SMCHD1: variants seen among roughly 807,000 people sequenced by gnomAD.
The protein encoded by SMCHD1 is structural maintenance of chromosomes flexible hinge domain-containing protein 1.
Under a neutral mutation model 254.7 loss-of-function variants are expected in SMCHD1, and 78 were observed. That is an observed-to-expected ratio of 0.31 (90% CI 0.26 to 0.37). The LOEUF (loss-of-function observed/expected upper bound fraction) is 0.37. Ranked by LOEUF, SMCHD1 falls within the 10% of genes least tolerant of loss-of-function variation. The pLI, the probability that SMCHD1 is intolerant of heterozygous loss-of-function variation, is 1.00. For missense variants in SMCHD1, 1,840 were observed against 2,408.1 expected (o/e 0.76, Z 4.94); for synonymous variants, 766 against 794.9 (o/e 0.96, Z 0.61).
chr18:2,739,350 T>C lies in SMCHD1; in HGVS notation c.3426-82T>C, dbSNP rs778259888. The stretch of plus-strand genomic sequence containing the variant: ...TTTGAGTTATTGGATATGAACATTA[T>C]ATATGTGTTATTCTGTAGCATGTTG... On this transcript the variant is annotated intron_variant, in intron 26 of 47. Coordinates refer to ENST00000320876, the MANE Select transcript of SMCHD1 (RefSeq NM_015295.3). 76 of 922,948 alleles carry C rather than the reference T, an allele frequency of 8.2e-5. No individual in the cohort carries two copies. In the African/African-American group the frequency reaches 1.1e-3, roughly 13 times the overall value. The allele number at this position is 922,948 out of a possible 1,614,324, so 57.2% of individuals were successfully genotyped here. A position where few individuals can be genotyped will look rare whatever the true frequency, so the allele number is the denominator to read the frequency against.
intron 7 of SMCHD1, among the ~76,000 whole-genome samples, chr18:2,693,154 A>C (rs145956408): frequency 7.9e-5 from 12 of 152,348 alleles, no homozygotes; most frequent in African/African-American, 2.9e-4. Flanking sequence ...TAAGCAAGTA[A>C]TCATACATAC....
At chr18:2,712,090 C>A (rs1348451218) in intron 17 of SMCHD1, among the ~76,000 whole-genome samples, 1 of 152,162 alleles carries the variant, frequency 6.6e-6, no homozygotes, top group Non-Finnish European at 1.5e-5. Flanking sequence ...AATTATTCAG[C>A]CTCAGGTATT....
chr18:2,754,677 G>A (rs995627720), intron 34 of SMCHD1, among the ~76,000 whole-genome samples: 5 of 152,146 alleles, frequency 3.3e-5, no homozygotes, highest in African/African-American at 1.2e-4. Context: ...GGCAATGTGA[G>A]CCACTCATAT....
In SMCHD1 at chr18:2,784,844, G is replaced by A. The variant is rs891536124; in HGVS notation, c.5719+223G>A. 5.5e-6 allele frequency: 3 copies of A among 546,540 alleles called. No homozygotes were observed. The African/African-American group carries it at 5.7e-5, about 10-fold the overall frequency. 33.9% of individuals were successfully genotyped at this position (546,540 alleles called of 1,614,324 possible). The stretch of plus-strand genomic sequence containing the variant: ...CTTTGTATTTTCATTCTTATATGTA[G>A]TGCATGCCTGTGTTCCCAGCTACTC... On this transcript the variant is annotated intron_variant, in intron 45 of 47. Transcript: ENST00000320876.
intron 36 of SMCHD1, among the ~76,000 whole-genome samples, chr18:2,762,763 C>T (rs2075808590): frequency 6.6e-6 from 1 of 152,184 alleles, no homozygotes; most frequent in South Asian, 2.1e-4. Context: ...GCTGGGATTA[C>T]AGCTGTGAAC....
intron 40 of SMCHD1, 33 bp downstream of exon 40, chr18:2,771,651 T>C: frequency 7.0e-7 from 1 of 1,425,202 alleles, no homozygotes; most frequent in Non-Finnish European, 9.4e-7. Context: ...AAAGATTTTT[T>C]ATTAAAGTCT....
At chr18:2,733,292 A>G (rs745786799) in intron 25 of SMCHD1, among the ~76,000 whole-genome samples, 8 of 152,226 alleles carry the variant, frequency 5.3e-5, no homozygotes, top group Non-Finnish European at 1.0e-4. Context: ...GAGGCACAAT[A>G]CTCAAACTTT....
At chr18:2,783,427 T>C (rs1015798458) in intron 44 of SMCHD1, among the ~76,000 whole-genome samples, 13 of 152,164 alleles carry the variant, frequency 8.5e-5, no homozygotes, top group African/African-American at 3.1e-4. Flanking sequence ...AGTAAAAATA[T>C]CTTATTTGAA....
chr18:2,680,151 A>G (rs1301914927), intron 5 of SMCHD1, among the ~76,000 whole-genome samples: 1 of 152,146 alleles, frequency 6.6e-6, no homozygotes, highest in East Asian at 1.9e-4. Context: ...AATATATTTA[A>G]AATAGCCGAG....
intron 12 of SMCHD1, among the ~76,000 whole-genome samples, chr18:2,703,095 A>G (rs945476819): frequency 3.9e-5 from 6 of 152,228 alleles, no homozygotes; most frequent in Non-Finnish European, 7.3e-5. Flanking sequence ...GATAGGCTCT[A>G]TATATAAAAG....
rs1363571303 is a variant in SMCHD1 at position 2,718,171 on chromosome 18, TAAAG to T, written c.2276_2279del (p.Lys759ArgfsTer31). On this transcript the variant is annotated frameshift_variant, in exon 18 of 48. Coordinates refer to ENST00000320876, the MANE Select transcript of SMCHD1 (RefSeq NM_015295.3). LOFTEE classifies it high-confidence loss of function. The surrounding 1 kb of genome is among the most constrained non-coding windows in gnomAD (Gnocchi z 4.6). ...TCTTTTATTAAGCTTCAAGTGGAAA[TAAAG>T]AGATTATTTCGCATATTAGTCAACA... 6.2e-7 allele frequency: 1 copy of T among 1,610,082 alleles called. No individual in the cohort carries two copies. The highest frequency in any genetic ancestry group is 1.3e-5 in the African/African-American group (1 of 74,734).
chr18:2,778,291 C>CATTTG (rs2076099411), intron 44 of SMCHD1, 52 bp downstream of exon 44: 1 of 1,287,436 alleles, frequency 7.8e-7, no homozygotes, highest in African/African-American at 1.5e-5. Flanking sequence ...TAATGTGTAT[C>CATTTG]ATGTCCATTT....
At position 2,656,122 on chromosome 18, in the gene SMCHD1, C is replaced by A; in HGVS notation, c.47C>A (p.Thr16Asn). The A allele has an allele frequency of 2.7e-6, 4 of 1,478,970 alleles. No individual in the cohort carries two copies. Among genetic ancestry groups the A allele is most frequent in the Non-Finnish European group, 3.6e-6 (4 of 1,116,534 alleles). The allele number at this position is 1,478,970 out of a possible 1,614,324, so 91.6% of individuals were successfully genotyped here. Residue 16 changes from threonine to asparagine, a missense_variant, in exon 1 of 48, where the codon ACT becomes AAT. Transcript: ENST00000320876. ...GGGPGGASVG[T>N]EEDGGGVGHR... ...GGGCCTGGTGGGGCCTCTGTGGGGA[C>A]TGAGGAGGATGGCGGAGGCGTCGGC...
intron 17 of SMCHD1, among the ~76,000 whole-genome samples, chr18:2,717,103 GC>G (rs979996743): frequency 6.6e-6 from 1 of 152,174 alleles, no homozygotes; most frequent in African/African-American, 2.4e-5. Flanking sequence ...TTTCTGTGCA[GC>G]CCGCTGTGAC....
intron 13 of SMCHD1, among the ~76,000 whole-genome samples, chr18:2,704,457 T>C (rs1052823715): frequency 6.6e-6 from 1 of 152,120 alleles, no homozygotes; most frequent in Non-Finnish European, 1.5e-5. Context: ...AATTCAGAGA[T>C]ATAGGAGATG....
At chr18:2,738,319 T>C in intron 25 of SMCHD1, 78 bp from the exon 26 acceptor site, 1 of 1,305,344 alleles carries the variant, frequency 7.7e-7, no homozygotes, top group Non-Finnish European at 1.0e-6. Context: ...TATAATGTAG[T>C]TTTAAGAGTA....
intron 28 of SMCHD1, among the ~76,000 whole-genome samples, chr18:2,741,542 G>C (rs688162): frequency 0.39 from 58,496 of 151,934 alleles, 11,821 homozygotes; most frequent in Non-Finnish European, 0.45. Context: ...CTTCTAACTA[G>C]AGTTTCTGTC....
chr18:2,728,095 C>T (rs1439924233), intron 22 of SMCHD1, among the ~76,000 whole-genome samples: 2 of 152,034 alleles, frequency 1.3e-5, no homozygotes, highest in African/African-American at 2.4e-5. Context: ...CCAGAAAAAT[C>T]ATCAGGTAAG....
chr18:2,780,237 C>CCAAAAAAAAAAAAAAAAAAAAAAAAAAAA (rs1568374930), intron 44 of SMCHD1, among the ~76,000 whole-genome samples: 1 of 29,836 alleles, frequency 3.4e-5, no homozygotes. Flanking sequence ...AAGACTCTAT[C>CCAAAAAAAAAAAAAAAAAAAAAAAAAAAA]TAAAAAAAAA....
Sources: allele counts gnomAD v4.1 joint callset (sites outside exome capture counted in the v4.1 genomes callset), GRCh38; gene constraint gnomAD v4.1.1; non-coding constraint Gnocchi (gnomAD v3.1); transcripts MANE v1.5; gene names NCBI Gene and HGNC (gene_info 2026-07-23, HGNC 2026-07-21).